Variants in USP40 observed in about 807,000 individuals in gnomAD.
The protein encoded by USP40 is ubiquitin specific peptidase 40, also known as ubiquitin carboxyl-terminal hydrolase 40.
A neutral mutation model predicts 166.2 loss-of-function variants in USP40; 143 were observed. That is an observed-to-expected ratio of 0.86 (90% CI 0.75 to 0.99). The LOEUF is 0.99. USP40 is among the 50% of genes least tolerant of loss of function. The probability of loss-of-function intolerance (pLI) is 0.00; values close to 1 mark genes in which losing one functional copy is unlikely to be tolerated. For synonymous variants in USP40, 498 were observed against 524.0 expected (o/e 0.95, Z 0.68); for missense variants, 1,444 against 1,479.7 (o/e 0.98, Z 0.40).
At chr2:233,525,642 C>A (rs181965001) in intron 13 of USP40, 80 bp from the exon 14 acceptor site, 7 of 1,040,410 alleles carry the variant, frequency 6.7e-6, no homozygotes, top group South Asian at 4.6e-5. Context: ...TGTGCCAACT[C>A]ACATATGAAG....
At chr2:233,512,506 A>C in intron 19 of USP40, 63 bp downstream of exon 19, 1 of 1,155,906 alleles carries the variant, frequency 8.7e-7, no homozygotes, top group Non-Finnish European at 1.2e-6. Context: ...ATTGGAGGCC[A>C]CTATTTATCA....
chr2:233,512,501 A>G (rs2066908088), intron 19 of USP40, 68 bp downstream of exon 19: 1 of 1,047,024 alleles, frequency 9.6e-7, no homozygotes, highest in African/African-American at 1.7e-5. Flanking sequence ...TAGGTATTGG[A>G]GGCCACTATT....
chr2:233,559,859 A>G lies in USP40; in HGVS notation c.333T>C (p.Ala111=). The G allele has an allele frequency of 1.2e-6, 2 of 1,610,850 alleles. No homozygotes were observed. Among genetic ancestry groups the G allele is most frequent in the East Asian group, 2.2e-5 (1 of 44,846 alleles). Residue 111 remains alanine (A), a synonymous_variant, in exon 4 of 32, where the codon GCT becomes GCC. Coordinates refer to ENST00000678225, the MANE Select transcript of USP40 (RefSeq NM_001365479.2). ...FAQLLLLDQE[A]ASTADLTDSF... is the part of the protein sequence containing the mutation. ...TGTCAGTGAGGTCTGCTGTGGATGC[A>G]GCTTCCTGGTCTAAGAGCAGAAGCT...
chr2:233,563,874 A>G (rs969063415), intron 2 of USP40, among the ~76,000 whole-genome samples: 1 of 151,946 alleles, frequency 6.6e-6, no homozygotes, highest in Non-Finnish European at 1.5e-5. Context: ...TCTCAGTACT[A>G]CTCTTGCCTA....
chr2:233,523,864 A>G (rs1291326247), intron 15 of USP40, among the ~76,000 whole-genome samples: 1 of 151,786 alleles, frequency 6.6e-6, no homozygotes, highest in Non-Finnish European at 1.5e-5. Context: ...ATAGATTCTC[A>G]CTCTTCTAAA....
intron 31 of USP40, among the ~76,000 whole-genome samples, chr2:233,479,046 G>C (rs2064365356): frequency 6.6e-6 from 1 of 152,224 alleles, no homozygotes. Flanking sequence ...AGACACCAGT[G>C]GTCTACTGTT....
In USP40 at chr2:233,530,889, T is replaced by TAAGGGTTA. The variant is rs1324386176; in HGVS notation, c.1472-1385_1472-1378dup. Reference sequence around the variant, plus strand: ...TGTCATTTGCCTTTTAATTCTGTTTTAAGGGTTATATCACTTTGCCCTAGT... The same window carrying TAAGGGTTA: ...TGTCATTTGCCTTTTAATTCTGTTTTAAGGGTTAAAGGGTTATATCACTTTGCCCTAGT... On this transcript the variant is annotated intron_variant, in intron 11 of 31. Transcript: ENST00000678225. Among the ~76,000 whole-genome samples the TAAGGGTTA allele has an allele frequency of 3.3e-5, 5 of 152,334 alleles. No individual in the cohort carries two copies. In the East Asian group the frequency reaches 9.6e-4, roughly 29 times the overall value.
chr2:233,534,076 T>C (rs1314352257), intron 10 of USP40, among the ~76,000 whole-genome samples: 1 of 152,188 alleles, frequency 6.6e-6, no homozygotes, highest in East Asian at 1.9e-4. Context: ...CTGGAACAGA[T>C]TAGGTAGAAC....
intron 31 of USP40, 109 bp from the exon 32 acceptor site, chr2:233,477,612 G>T: frequency 1.1e-6 from 1 of 945,690 alleles, no homozygotes; most frequent in Non-Finnish European, 1.6e-6. Flanking sequence ...ACAAGGACGT[G>T]CATTTGCAAT....
intron 21 of USP40, among the ~76,000 whole-genome samples, chr2:233,508,802 C>A (rs2066604616): frequency 6.6e-6 from 1 of 152,152 alleles, no homozygotes; most frequent in African/African-American, 2.4e-5. Flanking sequence ...TGCCTAGCAT[C>A]CATTATAGGT....
chr2:233,520,849 A>G (rs1168389399), intron 17 of USP40, 142 bp downstream of exon 17: 5 of 891,130 alleles, frequency 5.6e-6, no homozygotes, highest in Admixed American at 3.1e-5. Flanking sequence ...ACAAGCAATA[A>G]TCAAATGTTA....
chr2:233,561,226 T>C, intron 3 of USP40: 1 of 1,554,618 alleles, frequency 6.4e-7, no homozygotes, highest in Non-Finnish European at 8.7e-7. Flanking sequence ...AAAATAAAGT[T>C]CATATGGAAC....
chr2:233,516,565 G>A (rs746503565), intron 18 of USP40, among the ~76,000 whole-genome samples: 12 of 152,058 alleles, frequency 7.9e-5, no homozygotes, highest in South Asian at 2.1e-4. Flanking sequence ...GCGGGCACCT[G>A]TAGTCCCAGC....
At chr2:233,481,617 G>T in intron 30 of USP40, 1 of 346,502 alleles carries the variant, frequency 2.9e-6, no homozygotes, top group Non-Finnish European at 5.3e-6. Flanking sequence ...ATCCACATCA[G>T]CACACGGATC....
Position 233,476,669 on chromosome 2 carries a change from C to T in USP40, c.*723G>A, listed in dbSNP as rs1052242944. 6.5e-6 allele frequency: 1 copy of T among 153,506 alleles called. No individual in the cohort carries two copies. Among genetic ancestry groups the T allele is most frequent in the Non-Finnish European group, 1.5e-5 (1 of 68,858 alleles). The allele number at this position is 153,506 out of a possible 1,614,324, so 9.5% of individuals were successfully genotyped here. A position where few individuals can be genotyped will look rare whatever the true frequency, so the allele number is the denominator to read the frequency against. ...GCTGCAGTCCTCGGGATCCAAGGACCTTCTGATCACAGAGCACCCAGGATA... is the reference window on the plus strand; with the variant it reads ...GCTGCAGTCCTCGGGATCCAAGGACTTTCTGATCACAGAGCACCCAGGATA... On this transcript the variant is annotated 3_prime_UTR_variant, in exon 32 of 32. Coordinates refer to ENST00000678225, the MANE Select transcript of USP40 (RefSeq NM_001365479.2).
chr2:233,562,830 G>A, intron 2 of USP40, 27 bp from the exon 3 acceptor site: 1 of 1,480,160 alleles, frequency 6.8e-7, no homozygotes, highest in Non-Finnish European at 9.0e-7. Flanking sequence ...AATCAGAGAT[G>A]CAAATGACAT....
intron 4 of USP40, among the ~76,000 whole-genome samples, chr2:233,557,973 C>T (rs930579816): frequency 7.1e-6 from 1 of 141,310 alleles, no homozygotes; most frequent in Non-Finnish European, 1.5e-5. Context: ...CCATTGCACT[C>T]CAGGCTGGTG....
chr2:233,553,059 C>T (rs2070728606), intron 6 of USP40, among the ~76,000 whole-genome samples: 1 of 22,708 alleles, frequency 4.4e-5, no homozygotes, highest in Non-Finnish European at 9.0e-5. Context: ...GGGTTGATGC[C>T]ATAGAAGCTG....
rs538958695 is a variant in USP40 at position 233,525,374 on chromosome 2, A to C, written c.1810+104T>G. On this transcript the variant is annotated intron_variant, in intron 14 of 31. Coordinates refer to ENST00000678225, the MANE Select transcript of USP40 (RefSeq NM_001365479.2). ...TGAAGATAATCTACTTAGTTAAGAA[A>C]GTAGTAGGTGGGGAAGGACTGACAA... 5 of 709,340 alleles carry C rather than the reference A, an allele frequency of 7.0e-6. No homozygotes were observed. In the African/African-American group the frequency reaches 8.8e-5, roughly 13 times the overall value. 43.9% of individuals were successfully genotyped at this position (709,340 alleles called of 1,614,324 possible). A position where few individuals can be genotyped will look rare whatever the true frequency, so the allele number is the denominator to read the frequency against.
Sources: allele counts gnomAD v4.1 joint callset (sites outside exome capture counted in the v4.1 genomes callset), GRCh38; gene constraint gnomAD v4.1.1; transcripts MANE v1.5; gene names NCBI Gene and HGNC (gene_info 2026-07-23, HGNC 2026-07-21).